The following PLXND1 variants were observed in gnomAD, a reference collection of about 807,000 sequenced individuals.
PLXND1 encodes the protein plexin-D1.
Under a neutral mutation model 197.7 loss-of-function variants are expected in PLXND1, and 54 were observed. The ratio of observed to expected loss-of-function variants is 0.27; its 90% CI spans 0.22 to 0.34. PLXND1 has a LOEUF of 0.34. Among genes scored for constraint, PLXND1 ranks in the 10% least tolerant of loss-of-function variants. The probability of loss-of-function intolerance (pLI) is 1.00; values close to 1 mark genes in which losing one functional copy is unlikely to be tolerated. For synonymous variants in PLXND1, 1,180 were observed against 1,161.2 expected (o/e 1.02, Z -0.33); for missense variants, 2,127 against 2,699.2 (o/e 0.79, Z 4.70).
chr3:129,570,811 G>A lies in PLXND1; in HGVS notation c.3725C>T (p.Ala1242Val), dbSNP rs781053507. 10 of 1,614,022 alleles carry A rather than the reference G, an allele frequency of 6.2e-6. No individual in the cohort carries two copies. The highest frequency in any genetic ancestry group is 3.3e-5 in the South Asian group (3 of 91,090). Residue 1242 changes from alanine (A) to valine (V), a missense_variant, in exon 19 of 36, where the codon GCG becomes GTG. Physicochemically the swap from Ala to Val is moderately conservative, Grantham distance 64. This residue lies in a region of PLXND1 where 532 missense variants were observed against 811.0 expected (regional missense o/e 0.66). Transcript: ENST00000324093. ...TGTGATGGGCAGCTGCCCCACGGCC[G>A]CGCCCAGGGACTCGTTGACCGAGCA... ...IHCSVNESLG[A>V]AVGQLPITIQ...
Position 129,574,373 on chromosome 3 carries a change from G to A in PLXND1, c.2648C>T (p.Pro883Leu), listed in dbSNP as rs1159151983. The change falls in exon 12 of 36, where the codon CCC becomes CTC. Residue 883 changes from proline (P) to leucine (L), a missense_variant. Physicochemically the swap from Pro to Leu is moderately conservative, Grantham distance 98. Transcript: ENST00000324093. ...GGGGGCGGGGCAGGTGCCAGCCATG[G>A]GCTGCAGAGGCCCCCGCAGGCGGCA... Reference protein sequence around the residue: ...DGCRLRGPLQPMAGTCPAPEI... With the variant: ...DGCRLRGPLQLMAGTCPAPEI... The A allele has an allele frequency of 6.2e-7, 1 of 1,610,536 alleles. No individual in the cohort carries two copies. The highest frequency in any genetic ancestry group is 1.1e-5 in the South Asian group (1 of 90,682).
chr3:129,584,189 T>C lies in PLXND1; in HGVS notation c.2074A>G (p.Ile692Val), dbSNP rs1265130692. 2 of 1,586,902 alleles carry C rather than the reference T, an allele frequency of 1.3e-6. No homozygotes were observed. The highest frequency in any genetic ancestry group is 1.7e-6 in the Non-Finnish European group (2 of 1,165,262). The stretch of plus-strand genomic sequence containing the variant: ...TAGATGGTGAAATTGGCCTTGACGA[T>C]GTTCCGCCCATTGACCCTCACAGAC... ...EMSVRVNGRN[I>V]VKANFTIYDC... Residue 692 changes from isoleucine (I) to valine (V), a missense_variant, in exon 7 of 36, where the codon ATC becomes GTC. Ile to Val is a conservative substitution (Grantham distance 29). Coordinates refer to ENST00000324093, the MANE Select transcript of PLXND1 (RefSeq NM_015103.3).
In PLXND1 at chr3:129,565,919, C is replaced by T; in HGVS notation, c.4290G>A (p.Leu1430=). The T allele has an allele frequency of 6.2e-7, 1 of 1,614,208 alleles. No individual in the cohort carries two copies. Among genetic ancestry groups the T allele is most frequent in the Non-Finnish European group, 8.5e-7 (1 of 1,180,030 alleles). The change falls in exon 24 of 36, where the codon CTG becomes CTA. Residue 1430 remains leucine (L), a synonymous_variant. Coordinates refer to ENST00000324093, the MANE Select transcript of PLXND1 (RefSeq NM_015103.3). ...GCACCGCAAAGTCCTTCTGCTGCTCCAGCGCGTGGACAAAGACGATGAGGA... is the reference window on the plus strand; with the variant it reads ...GCACCGCAAAGTCCTTCTGCTGCTCTAGCGCGTGGACAAAGACGATGAGGA... The part of the protein sequence containing the change: ...KHFLIVFVHA[L]EQQKDFAVRD...
intron 6 of PLXND1, 75 bp downstream of exon 6, chr3:129,584,310 C>T (rs1028475422): frequency 5.8e-5 from 92 of 1,594,578 alleles, no homozygotes; most frequent in Middle Eastern, 5.0e-4. Flanking sequence ...TGACCTCTGG[C>T]CCCCTGCCAT....
At chr3:129,560,762 G>A (rs753628646) in intron 29 of PLXND1, 39 bp from the exon 30 acceptor site, 3 of 1,203,074 alleles carry the variant, frequency 2.5e-6, no homozygotes, top group African/African-American at 3.0e-5. Context: ...CACGGGAGAG[G>A]AGAGGAGAGA....
intron 12 of PLXND1, 101 bp downstream of exon 12, chr3:129,574,235 G>C (rs1652597854): frequency 1.9e-6 from 2 of 1,077,794 alleles, no homozygotes; most frequent in African/African-American, 3.2e-5. Flanking sequence ...ATGTGTCGGT[G>C]TATGTGCCGT....
At position 129,606,262 on chromosome 3, in the gene PLXND1, CTTG is replaced by C; in HGVS notation, c.375_377del (p.Asn125del). The C allele has an allele frequency of 1.3e-6, 2 of 1,564,904 alleles. No individual in the cohort carries two copies. The highest frequency in any genetic ancestry group is 1.7e-6 in the Non-Finnish European group (2 of 1,161,274). On this transcript the variant is annotated inframe_deletion, in exon 1 of 36. Transcript: ENST00000324093. ...CCTGGCCGGGGTCCAGCTGCAGGAT[CTTG>C]TTGTAGTTGTCCGTGAGGCGCCGCG...
At chr3:129,589,608 G>T in intron 1 of PLXND1, 81 bp from the exon 2 acceptor site, 1 of 1,241,476 alleles carries the variant, frequency 8.1e-7, no homozygotes, top group Non-Finnish European at 1.1e-6. Context: ...GGGATCTCAG[G>T]CCCTGGCATC....
Position 129,573,662 on chromosome 3 carries a change from C to A in PLXND1, c.2769G>T (p.Val923=). Residue 923 remains valine, a synonymous_variant, in exon 13 of 36, where the codon GTG becomes GTT. Coordinates refer to ENST00000324093, the MANE Select transcript of PLXND1 (RefSeq NM_015103.3). ...GRNLGRRLSD[V]AHGVWIGGVA... The stretch of plus-strand genomic sequence containing the variant: ...CACCACCAATCCACACGCCGTGGGC[C>A]ACGTCACTGAGCCGCCGGCCCAGGT... 3 of 1,613,672 alleles carry A rather than the reference C, an allele frequency of 1.9e-6. No individual in the cohort carries two copies. Among genetic ancestry groups the A allele is most frequent in the Non-Finnish European group, 1.7e-6 (2 of 1,180,016 alleles).
At chr3:129,562,505 G>C (rs1025711801) in intron 27 of PLXND1, 1 of 336,960 alleles carries the variant, frequency 3.0e-6, no homozygotes, top group Non-Finnish European at 5.5e-6. Flanking sequence ...ATGAGATCCC[G>C]TCTCAAAAAC....
intron 22 of PLXND1, 26 bp downstream of exon 22, chr3:129,567,466 C>T (rs1366614286): frequency 7.2e-7 from 1 of 1,387,188 alleles, no homozygotes; most frequent in Non-Finnish European, 1.0e-6. Context: ...GGCACAGGTT[C>T]AGGGCAGGCT....
intron 32 of PLXND1, 53 bp downstream of exon 32, chr3:129,559,567 C>A: frequency 6.8e-7 from 1 of 1,463,544 alleles, no homozygotes; most frequent in Non-Finnish European, 9.2e-7. Context: ...GAACCCCCTG[C>A]CACAGGGGCC....
chr3:129,590,666 T>C (rs900512301), intron 1 of PLXND1, among the ~76,000 whole-genome samples: 3 of 152,172 alleles, frequency 2.0e-5, no homozygotes, highest in African/African-American at 7.2e-5. Context: ...ACAGTAAACA[T>C]AATAACAGGC....
intron 1 of PLXND1, among the ~76,000 whole-genome samples, chr3:129,593,880 GC>G (rs1408175767): frequency 6.6e-6 from 1 of 152,162 alleles, no homozygotes; most frequent in Non-Finnish European, 1.5e-5. Context: ...AGAGCAGGAT[GC>G]CCCCTCCCCC....
intron 1 of PLXND1, among the ~76,000 whole-genome samples, chr3:129,592,802 C>T (rs1029483360): frequency 3.3e-5 from 5 of 152,246 alleles, no homozygotes; most frequent in African/African-American, 1.2e-4. Flanking sequence ...GATTCCCCAG[C>T]TGCCAGGGGA....
At position 129,557,230 on chromosome 3, in the gene PLXND1, A is replaced by G; in HGVS notation, c.5446-7T>C. 2 of 1,614,020 alleles carry G rather than the reference A, an allele frequency of 1.2e-6. No individual in the cohort carries two copies. Among genetic ancestry groups the G allele is most frequent in the Non-Finnish European group, 1.7e-6 (2 of 1,179,958 alleles). ...GCTTGTTGGTTGGCGAATCCTGGGCAGAGAAGAGCGAGGGTGTTAGATGGC... is the reference window on the plus strand; with the variant it reads ...GCTTGTTGGTTGGCGAATCCTGGGCGGAGAAGAGCGAGGGTGTTAGATGGC... On this transcript the variant is annotated splice_region_variant and splice_polypyrimidine_tract_variant and intron_variant, in intron 33 of 35. Transcript: ENST00000324093. This position sits in a 1 kb window ranked among gnomAD's most constrained non-coding sequence, Gnocchi z 4.8.
chr3:129,563,412 C>T (rs537183937), intron 25 of PLXND1, among the ~76,000 whole-genome samples, 172 bp from the exon 26 acceptor site: 1 of 152,354 alleles, frequency 6.6e-6, no homozygotes, highest in Non-Finnish European at 1.5e-5. Context: ...AGCTCGTGTT[C>T]ATTAAACACC....
Position 129,557,356 on chromosome 3 carries a change from C to T in PLXND1, c.5446-133G>A, listed in dbSNP as rs866178396. ...GCCCCCGAGGCCCAAAGAGTCTCAC[C>T]CGGTCACTGAACGTCCCCGCACTCA... On this transcript the variant is annotated intron_variant, in intron 33 of 35. Transcript: ENST00000324093. The surrounding 1 kb of genome is among the most constrained non-coding windows in gnomAD (Gnocchi z 4.8). 49 of 970,048 alleles carry T rather than the reference C, an allele frequency of 5.1e-5. No individual in the cohort carries two copies. In the African/African-American group the frequency reaches 6.7e-4, roughly 13 times the overall value. The allele number at this position is 970,048 out of a possible 1,614,324, so 60.1% of individuals were successfully genotyped here.
chr3:129,573,481 G>T, intron 13 of PLXND1, 113 bp downstream of exon 13: 1 of 1,118,364 alleles, frequency 8.9e-7, no homozygotes, highest in Non-Finnish European at 1.3e-6. Context: ...CGAAGCAACA[G>T]TCTTCCAGAA....
Sources: allele counts gnomAD v4.1 joint callset (sites outside exome capture counted in the v4.1 genomes callset), GRCh38; gene constraint gnomAD v4.1.1; regional missense constraint gnomAD v4.1.1; non-coding constraint Gnocchi (gnomAD v3.1); transcripts MANE v1.5; gene names NCBI Gene and HGNC (gene_info 2026-07-23, HGNC 2026-07-21).